The following MAP3K4 variants were observed in gnomAD, a reference collection of about 807,000 sequenced individuals.
MAP3K4 encodes mitogen-activated protein kinase kinase kinase 4.
MAP3K4 carries 67 observed loss-of-function variants against 185.6 expected under a neutral mutation model. The observed-to-expected ratio is 0.36, with a 90% CI of 0.30 to 0.44. The LOEUF is 0.44. MAP3K4 is among the 20% of genes least tolerant of loss of function. The pLI, the probability that MAP3K4 is intolerant of heterozygous loss-of-function variation, is 1.00. For synonymous variants in MAP3K4, 702 were observed against 710.4 expected (o/e 0.99, Z 0.19); for missense variants, 1,551 against 1,995.1 (o/e 0.78, Z 4.24).
In MAP3K4 at chr6:161,007,395, A is replaced by G. The variant is rs184371992; in HGVS notation, c.152+15312A>G. ...TACTGAGGAAGATAGAGGGAGGGCT[A>G]ATTTTACAATATGCAAGGACATGGT... On this transcript the variant is annotated intron_variant, in intron 1 of 26. Transcript: ENST00000392142. This position sits in a 1 kb window ranked among gnomAD's most constrained non-coding sequence, Gnocchi z 4.5. 2.0e-5 allele frequency among the ~76,000 whole-genome samples: 3 copies of G among 152,260 alleles called. No individual in the cohort carries two copies. The East Asian group carries it at 5.8e-4, about 29-fold the overall frequency.
At chr6:160,997,351 A>G (rs1012297923) in intron 1 of MAP3K4, among the ~76,000 whole-genome samples, 1 of 152,302 alleles carries the variant, frequency 6.6e-6, no homozygotes, top group African/African-American at 2.4e-5. Flanking sequence ...CTTTTTGAAT[A>G]TTGTGTTCAA....
In MAP3K4 at chr6:160,992,037, C is replaced by CCGGAACCCGAGACCGAGT. The variant is rs757377957; in HGVS notation, c.108_125dup (p.Thr40_Glu45dup). 3.9e-5 allele frequency: 62 copies of CCGGAACCCGAGACCGAGT among 1,573,744 alleles called. No homozygotes were observed. In the Admixed American group the frequency reaches 4.2e-4, roughly 11 times the overall value. ...ACCGCCGCCGCCGCCACCACCGCCACCGGAACCCGAGACCGAGTCAGAACC... is the reference window on the plus strand; with the variant it reads ...ACCGCCGCCGCCGCCACCACCGCCACCGGAACCCGAGACCGAGTCGGAACCCGAGACCGAGTCAGAACC... On this transcript the variant is annotated inframe_insertion, in exon 1 of 27. Coordinates refer to ENST00000392142, the MANE Select transcript of MAP3K4 (RefSeq NM_005922.4).
chr6:161,016,116 G>A (rs1336174484), intron 1 of MAP3K4, among the ~76,000 whole-genome samples: 1 of 152,084 alleles, frequency 6.6e-6, no homozygotes, highest in Admixed American at 6.5e-5. Flanking sequence ...GTTTTGATTT[G>A]CATTTTTCCA....
chr6:161,079,841 A>T (rs891216825), intron 5 of MAP3K4, among the ~76,000 whole-genome samples: 1 of 152,208 alleles, frequency 6.6e-6, no homozygotes, highest in African/African-American at 2.4e-5. Flanking sequence ...ACAGCAGAAG[A>T]CAGTTGTCTT....
At position 161,048,752 on chromosome 6, in the gene MAP3K4, T is replaced by A. The variant is rs920263874; in HGVS notation, c.480T>A (p.Asn160Lys). 4 of 1,613,998 alleles carry A rather than the reference T, an allele frequency of 2.5e-6. No homozygotes were observed. Among genetic ancestry groups the A allele is most frequent in the Non-Finnish European group, 2.5e-6 (3 of 1,179,986 alleles). Residue 160 changes from asparagine (N) to lysine (K), a missense_variant, in exon 3 of 27, where the codon AAT becomes AAA. Asn to Lys is a moderately conservative substitution (Grantham distance 94). Coordinates refer to ENST00000392142, the MANE Select transcript of MAP3K4 (RefSeq NM_005922.4). The surrounding 1 kb of genome is among the most constrained non-coding windows in gnomAD (Gnocchi z 4.7). ...LRTTERDRKK[N>K]VQCSFMLDSV... The stretch of plus-strand genomic sequence containing the variant: ...CAACAGAGCGTGATCGTAAAAAAAA[T>A]GTACAGTGCTCATTCATGTTAGACT...
Position 161,107,862 on chromosome 6 carries a change from A to G in MAP3K4, c.4049-37A>G. 1 of 1,460,050 alleles carries G rather than the reference A, an allele frequency of 6.8e-7. No individual in the cohort carries two copies. 90.4% of individuals were successfully genotyped at this position (1,460,050 alleles called of 1,614,324 possible). On this transcript the variant is annotated intron_variant, in intron 20 of 26. Transcript: ENST00000392142. The surrounding 1 kb of genome is among the most constrained non-coding windows in gnomAD (Gnocchi z 6.2). ...TAAGGAATGTAAGACAGCCCCCTGC[A>G]GTGGCTGGAAGTGCAGCTTGTTTGC...
chr6:161,010,101 G>A (rs1287743131), intron 1 of MAP3K4, among the ~76,000 whole-genome samples: 4 of 152,158 alleles, frequency 2.6e-5, no homozygotes, highest in South Asian at 2.1e-4. Context: ...ATGTCACTCA[G>A]CTATTTACAT....
At chr6:161,002,588 G>GATTTTTTTTT (rs1781374283) in intron 1 of MAP3K4, among the ~76,000 whole-genome samples, 2 of 92,350 alleles carry the variant, frequency 2.2e-5, no homozygotes, top group Non-Finnish European at 4.3e-5. Context: ...AATAGTTTTG[G>GATTTTTTTTT]CTTTTTTTTT....
chr6:161,114,688 A>G lies in MAP3K4; in HGVS notation c.4627-435A>G, dbSNP rs1332617802. Among the ~76,000 whole-genome samples the G allele has an allele frequency of 6.6e-6, 1 of 152,222 alleles. No homozygotes were observed. Reference sequence around the variant, plus strand: ...AATGAAATAAGCTTTGCACTAATGCAATTTTTATTTTTCAATAAGGTAGCA... The same window carrying G: ...AATGAAATAAGCTTTGCACTAATGCGATTTTTATTTTTCAATAAGGTAGCA... On this transcript the variant is annotated intron_variant, in intron 25 of 26. Transcript: ENST00000392142. This position sits in a 1 kb window ranked among gnomAD's most constrained non-coding sequence, Gnocchi z 4.3.
chr6:161,048,595 GT>G lies in MAP3K4; in HGVS notation c.344-18del. ...ATATTTTAGAGTTATATAATGTTCT[GT>G]TTATTTTTTTTTTTAATAGAAAAAA... On this transcript the variant is annotated intron_variant, in intron 2 of 26. Transcript: ENST00000392142. This position sits in a 1 kb window ranked among gnomAD's most constrained non-coding sequence, Gnocchi z 4.7. 7.0e-7 allele frequency: 1 copy of G among 1,437,408 alleles called. No individual in the cohort carries two copies. The highest frequency in any genetic ancestry group is 9.4e-7 in the Non-Finnish European group (1 of 1,059,342). The allele number at this position is 1,437,408 out of a possible 1,614,324, so 89.0% of individuals were successfully genotyped here. A position where few individuals can be genotyped will look rare whatever the true frequency, so the allele number is the denominator to read the frequency against.
In MAP3K4 at chr6:161,086,799, A is replaced by G; in HGVS notation, c.2556+132A>G. The G allele has an allele frequency of 1.6e-6, 1 of 638,514 alleles. No individual in the cohort carries two copies. Among genetic ancestry groups the G allele is most frequent in the Middle Eastern group, 3.5e-4 (1 of 2,864 alleles). The allele number at this position is 638,514 out of a possible 1,614,324, so 39.6% of individuals were successfully genotyped here. A position where few individuals can be genotyped will look rare whatever the true frequency, so the allele number is the denominator to read the frequency against. ...AAGGCTGTACCACAACCCCAGTTGTAAGACTGTCCTGTAATTCACCAGTGG... is the reference window on the plus strand; with the variant it reads ...AAGGCTGTACCACAACCCCAGTTGTGAGACTGTCCTGTAATTCACCAGTGG... On this transcript the variant is annotated intron_variant, in intron 9 of 26. Coordinates refer to ENST00000392142, the MANE Select transcript of MAP3K4 (RefSeq NM_005922.4). This position sits in a 1 kb window ranked among gnomAD's most constrained non-coding sequence, Gnocchi z 4.8.
chr6:161,014,001 A>G (rs1415695567), intron 1 of MAP3K4, among the ~76,000 whole-genome samples: 1 of 152,202 alleles, frequency 6.6e-6, no homozygotes, highest in Non-Finnish European at 1.5e-5. Context: ...TCTGGAGTCC[A>G]GTCCCGCCTT....
At chr6:161,044,066 T>C (rs771460624) in intron 2 of MAP3K4, among the ~76,000 whole-genome samples, 2 of 152,236 alleles carry the variant, frequency 1.3e-5, no homozygotes, top group Non-Finnish European at 2.9e-5. Flanking sequence ...AGTTTCATTA[T>C]AAAGTTTTCT....
rs1037070851 is a variant in MAP3K4, at chr6:161,089,333, T to C, written c.2835T>C (p.Leu945=). Residue 945 remains leucine (L), a synonymous_variant, in exon 11 of 27, where the codon CTT becomes CTC. Transcript: ENST00000392142. ...DTLRSMQVDN[L]LLVVMQSAHL... is the part of the protein sequence containing the mutation. ...GATTTTCCTCCCAGGTGGATAATCT[T>C]TTACTAGTTGTCATGCAGTCTGCGC... is the stretch of plus-strand genomic sequence containing the variant. 3 of 1,613,470 alleles carry C rather than the reference T, an allele frequency of 1.9e-6. No homozygotes were observed. The African/African-American group carries it at 4.0e-5, about 22-fold the overall frequency.
chr6:160,992,012 A>ACCGCCACCG lies in MAP3K4; in HGVS notation c.86_87insACCGCCGCC (p.Pro34_Pro36dup). 1 of 1,539,728 alleles carries ACCGCCACCG rather than the reference A, an allele frequency of 6.5e-7. No individual in the cohort carries two copies. Among genetic ancestry groups the ACCGCCACCG allele is most frequent in the Non-Finnish European group, 8.7e-7 (1 of 1,150,118 alleles). On this transcript the variant is annotated inframe_insertion, in exon 1 of 27. Coordinates refer to ENST00000392142, the MANE Select transcript of MAP3K4 (RefSeq NM_005922.4). ...CCGCCGCCATGGAGGAGCCGCCGCC[A>ACCGCCACCG]CCGCCGCCGCCGCCACCACCGCCAC...
rs1468422310 is a variant in MAP3K4, at chr6:161,071,715, C to A, written c.1950+865C>A. Among the ~76,000 whole-genome samples, 4 of 152,208 alleles carry A rather than the reference C, an allele frequency of 2.6e-5. No individual in the cohort carries two copies. The highest frequency in any genetic ancestry group is 7.2e-5 in the African/African-American group (3 of 41,456). ...GGAGATTGTCCCCTGCATCTCATTT[C>A]CATCCCTTTGGTTCATACCCAGCAC... On this transcript the variant is annotated intron_variant, in intron 4 of 26. Coordinates refer to ENST00000392142, the MANE Select transcript of MAP3K4 (RefSeq NM_005922.4). The surrounding 1 kb of genome is among the most constrained non-coding windows in gnomAD (Gnocchi z 4.6).
intron 3 of MAP3K4, among the ~76,000 whole-genome samples, chr6:161,069,345 T>C (rs1283724547): frequency 6.6e-6 from 1 of 152,152 alleles, no homozygotes; most frequent in African/African-American, 2.4e-5. Context: ...TGGAAAGGTA[T>C]CATGAGGTGA....
intron 1 of MAP3K4, among the ~76,000 whole-genome samples, chr6:160,993,418 T>G (rs1780833949): frequency 6.6e-6 from 1 of 152,200 alleles, no homozygotes; most frequent in Non-Finnish European, 1.5e-5. Context: ...TTGTCTTTAT[T>G]TCTATTAACC....
rs1423749590 is a variant in MAP3K4 at position 160,996,497 on chromosome 6, C to T, written c.152+4414C>T. ...AATAACTTCCTGTTATTTAATAATT[C>T]CTCATTCCTCATGACTATGATTTTA... On this transcript the variant is annotated intron_variant, in intron 1 of 26. Coordinates refer to ENST00000392142, the MANE Select transcript of MAP3K4 (RefSeq NM_005922.4). The surrounding 1 kb of genome is among the most constrained non-coding windows in gnomAD (Gnocchi z 4.5). 6.6e-6 allele frequency among the ~76,000 whole-genome samples: 1 copy of T among 152,144 alleles called. No homozygotes were observed. The highest frequency in any genetic ancestry group is 1.5e-5 in the Non-Finnish European group (1 of 68,024).
Sources: gnomAD v4.1 joint callset for allele counts (sites outside exome capture counted in the v4.1 genomes callset) on GRCh38, gnomAD v4.1.1 for gene constraint, Gnocchi (gnomAD v3.1) non-coding constraint, MANE v1.5 for transcripts, NCBI Gene and HGNC (gene_info 2026-07-23, HGNC 2026-07-21) for gene names.